TIAM1: variants seen among roughly 807,000 people sequenced by gnomAD.
The protein encoded by TIAM1 is TIAM Rac1 associated GEF 1, also known as rho guanine nucleotide exchange factor TIAM1.
In TIAM1, 65 loss-of-function variants were observed where a neutral mutation model predicts 163.5. That is an observed-to-expected ratio of 0.40 (90% CI 0.33 to 0.49). The LOEUF is 0.49. Among genes scored for constraint, TIAM1 ranks in the 20% least tolerant of loss-of-function variants. TIAM1 has a pLI of 0.77. For synonymous variants in TIAM1, 833 were observed against 810.1 expected (o/e 1.03, Z -0.48); for missense variants, 1,789 against 2,044.7 (o/e 0.87, Z 2.41).
chr21:31,506,872 G>A (rs745842363), intron 1 of TIAM1, among the ~76,000 whole-genome samples: 3 of 152,250 alleles, frequency 2.0e-5, no homozygotes, highest in Non-Finnish European at 1.5e-5. Context: ...AGCCGAGATC[G>A]TGCCACTATA....
chr21:31,177,892 A>G (rs1298761429), intron 15 of TIAM1, among the ~76,000 whole-genome samples: 2 of 152,200 alleles, frequency 1.3e-5, no homozygotes, highest in African/African-American at 4.8e-5. Context: ...GTGGACCCCA[A>G]GGTCCCTGAG....
chr21:31,130,207 G>A lies in TIAM1; in HGVS notation c.4045+6C>T. On this transcript the variant is annotated splice_donor_region_variant and intron_variant, in intron 25 of 27. Transcript: ENST00000541036. The stretch of plus-strand genomic sequence containing the variant: ...TGTGAAATACCCAGCACAGGTGAGA[G>A]TTTACCTGCACTCGCCAAAGCTCGA... The A allele has an allele frequency of 6.2e-7, 1 of 1,612,842 alleles. No individual in the cohort carries two copies.
chr21:31,513,184 C>A (rs779855769), intron 1 of TIAM1, among the ~76,000 whole-genome samples: 1 of 152,098 alleles, frequency 6.6e-6, no homozygotes, highest in African/African-American at 2.4e-5. Context: ...CATACATATA[C>A]ACGTACCATG....
At chr21:31,289,412 T>A (rs2073930430) in intron 2 of TIAM1, among the ~76,000 whole-genome samples, 1 of 152,170 alleles carries the variant, frequency 6.6e-6, no homozygotes, top group African/African-American at 2.4e-5. Context: ...CTTTCTCAAG[T>A]CAAAACCCAC....
chr21:31,553,262 C>G (rs1486807157), intron 1 of TIAM1, among the ~76,000 whole-genome samples: 1 of 152,172 alleles, frequency 6.6e-6, no homozygotes, highest in Non-Finnish European at 1.5e-5. Flanking sequence ...TGTGGAGATG[C>G]ACCCTGTGGT....
intron 2 of TIAM1, among the ~76,000 whole-genome samples, chr21:31,398,764 T>C (rs1429754867): frequency 6.6e-6 from 1 of 152,278 alleles, no homozygotes; most frequent in South Asian, 2.1e-4. Flanking sequence ...TGGAGAACGA[T>C]TTAGTGTGAT....
chr21:31,234,674 G>C (rs901639898), intron 6 of TIAM1, among the ~76,000 whole-genome samples: 1 of 151,956 alleles, frequency 6.6e-6, no homozygotes, highest in Non-Finnish European at 1.5e-5. Flanking sequence ...CCAGATATTC[G>C]AGAGGCTGAG....
At chr21:31,183,513 T>C (rs2146444796) in intron 14 of TIAM1, among the ~76,000 whole-genome samples, 1 of 152,102 alleles carries the variant, frequency 6.6e-6, no homozygotes, top group South Asian at 2.1e-4. Flanking sequence ...AAAACCAACT[T>C]GAAAAAGGGA....
At chr21:31,134,577 C>G (rs932543862) in intron 23 of TIAM1, among the ~76,000 whole-genome samples, 1 of 152,218 alleles carries the variant, frequency 6.6e-6, no homozygotes, top group African/African-American at 2.4e-5. Context: ...GTGGAACGAT[C>G]TCAGCTCACT....
intron 5 of TIAM1, among the ~76,000 whole-genome samples, chr21:31,251,390 T>C (rs1164160404): frequency 6.6e-6 from 1 of 152,164 alleles, no homozygotes; most frequent in East Asian, 1.9e-4. Context: ...GCTGGTGTCT[T>C]GCTATGTTGC....
intron 9 of TIAM1, among the ~76,000 whole-genome samples, chr21:31,215,841 C>T (rs1258606704): frequency 6.6e-6 from 1 of 152,110 alleles, no homozygotes; most frequent in Non-Finnish European, 1.5e-5. Flanking sequence ...CAGGTTCCAT[C>T]AAGGATAGGG....
chr21:31,302,339 T>A (rs1255365808), intron 2 of TIAM1, among the ~76,000 whole-genome samples: 1 of 152,248 alleles, frequency 6.6e-6, no homozygotes, highest in Non-Finnish European at 1.5e-5. Context: ...CAACCTTGAA[T>A]GTTTTCACAT....
At chr21:31,158,844 C>T (rs2083756073) in intron 16 of TIAM1, among the ~76,000 whole-genome samples, 1 of 152,138 alleles carries the variant, frequency 6.6e-6, no homozygotes, top group Admixed American at 6.5e-5. Flanking sequence ...CTCCACGCAG[C>T]TTAGCCATGA....
chr21:31,355,863 C>G (rs2076309224), intron 2 of TIAM1, among the ~76,000 whole-genome samples: 1 of 152,088 alleles, frequency 6.6e-6, no homozygotes, highest in African/African-American at 2.4e-5. Flanking sequence ...TTTTTCTCTC[C>G]TTTGTACACA....
intron 2 of TIAM1, among the ~76,000 whole-genome samples, chr21:31,295,321 T>A (rs1377664803): frequency 6.6e-6 from 1 of 151,870 alleles, no homozygotes; most frequent in Non-Finnish European, 1.5e-5. Context: ...ATACAAAAAA[T>A]TAGTTGGGCG....
chr21:31,452,942 G>A (rs533112080), intron 2 of TIAM1: 48 of 515,316 alleles, frequency 9.3e-5, no homozygotes, highest in Non-Finnish European at 1.5e-4. Flanking sequence ...TGGAAGATGC[G>A]TTCTACAAAG....
intron 2 of TIAM1, among the ~76,000 whole-genome samples, chr21:31,313,915 A>G (rs1300411233): frequency 6.6e-6 from 1 of 152,204 alleles, no homozygotes; most frequent in Non-Finnish European, 1.5e-5. Context: ...CTTTTGAAAC[A>G]AGGCCAGAGT....
At chr21:31,308,684 C>T (rs367786954) in intron 2 of TIAM1, among the ~76,000 whole-genome samples, 25 of 152,162 alleles carry the variant, frequency 1.6e-4, no homozygotes, top group African/African-American at 6.0e-4. Flanking sequence ...GAAGGGGATG[C>T]AATGTGTGTG....
chr21:31,165,175 G>GT lies in TIAM1; in HGVS notation c.2888-111dup, dbSNP rs2084148414. On this transcript the variant is annotated intron_variant, in intron 15 of 27. Transcript: ENST00000541036. ...CTCGCTCATGACATGTACATATACT[G>GT]TAAGACCCTCCAAGTACAAGCTCCA... 4.6e-6 allele frequency: 4 copies of GT among 866,520 alleles called. No homozygotes were observed. In the Admixed American group the frequency reaches 6.6e-5, roughly 14 times the overall value. 53.7% of individuals were successfully genotyped at this position (866,520 alleles called of 1,614,324 possible). A position where few individuals can be genotyped will look rare whatever the true frequency, so the allele number is the denominator to read the frequency against.
Sources: allele counts gnomAD v4.1 joint callset (sites outside exome capture counted in the v4.1 genomes callset), GRCh38; gene constraint gnomAD v4.1.1; transcripts MANE v1.5; gene names NCBI Gene and HGNC (gene_info 2026-07-23, HGNC 2026-07-21).